Variants in DENND1A observed in about 807,000 individuals in gnomAD.
DENND1A encodes the protein DENN domain-containing protein 1A.
In DENND1A, 51 loss-of-function variants were observed where a neutral mutation model predicts 113.7. The observed-to-expected ratio is 0.45, with a 90% CI of 0.36 to 0.57. The LOEUF (loss-of-function observed/expected upper bound fraction) is 0.57, where lower values mean the gene tolerates loss of function less well. DENND1A is among the 20% of genes least tolerant of loss of function. DENND1A has a pLI of 0.00. For synonymous variants in DENND1A, 565 were observed against 570.8 expected, an observed-to-expected ratio of 0.99 and a Z score of 0.14; for missense variants, 1,258 against 1,395.9, an observed-to-expected ratio of 0.90 and a Z score of 1.57.
At chr9:123,401,764 T>C (rs751896556) in intron 21 of DENND1A, 1 of 1,613,362 alleles carries the variant, frequency 6.2e-7, no homozygotes, top group Non-Finnish European at 8.5e-7. Context: ...TGGCACACAC[T>C]GCGAAGTCAG....
chr9:123,386,849 C>T (rs1056285001), intron 22 of DENND1A, among the ~76,000 whole-genome samples: 3 of 152,170 alleles, frequency 2.0e-5, no homozygotes, highest in African/African-American at 7.2e-5. Flanking sequence ...CACAGGCCAT[C>T]CCAGGGGGAG....
rs186775260 is a variant in DENND1A, at chr9:123,414,673, A to C, written c.1489-2844T>G. On this transcript the variant is annotated intron_variant, in intron 19 of 23. Coordinates refer to ENST00000394215, the MANE Select transcript of DENND1A (RefSeq NM_001352964.2). ...AAAACCTATTAACTCTTTTTTAAAA[A>C]GTCCTATTTCCCAAGTTTATTTGAA... is the stretch of plus-strand genomic sequence containing the variant. 1.3e-4 allele frequency: 190 copies of C among 1,508,198 alleles called. 1 individual carries two copies. In the East Asian group the frequency reaches 3.5e-3, roughly 28 times the overall value. The allele number at this position is 1,508,198 out of a possible 1,614,324, so 93.4% of individuals were successfully genotyped here.
rs577577152 is a variant in DENND1A at position 123,380,298 on chromosome 9, A to AAAAG, written c.*1130_*1133dup. 1 of 152,554 alleles carries AAAAG rather than the reference A, an allele frequency of 6.6e-6. No individual in the cohort carries two copies. The highest frequency in any genetic ancestry group is 1.9e-4 in the East Asian group (1 of 5,206). 9.5% of individuals were successfully genotyped at this position (152,554 alleles called of 1,614,324 possible). A position where few individuals can be genotyped will look rare whatever the true frequency, so the allele number is the denominator to read the frequency against. ...CATCAAATCAATAAGGTAAAAAGGA[A>AAAAG]AAAGAAAGATAATAAACATTCAATC... On this transcript the variant is annotated 3_prime_UTR_variant, in exon 24 of 24. Transcript: ENST00000394215.
At chr9:123,504,786 G>A (rs186200003) in intron 13 of DENND1A, among the ~76,000 whole-genome samples, 1 of 152,286 alleles carries the variant, frequency 6.6e-6, no homozygotes, top group Non-Finnish European at 1.5e-5. Context: ...GGACTACCAA[G>A]GCAGTTCTTC....
chr9:123,553,014 T>C (rs2057196573), intron 13 of DENND1A, among the ~76,000 whole-genome samples: 1 of 152,172 alleles, frequency 6.6e-6, no homozygotes, highest in South Asian at 2.1e-4. Context: ...GCACGAGATT[T>C]GGGAGTCTGG....
At chr9:123,655,555 G>A (rs2062898706) in intron 8 of DENND1A, among the ~76,000 whole-genome samples, 1 of 152,184 alleles carries the variant, frequency 6.6e-6, no homozygotes, top group African/African-American at 2.4e-5. Flanking sequence ...AATGGCGGAG[G>A]GAGGGAGGGG....
chr9:123,783,334 C>T (rs1477833905), intron 3 of DENND1A, among the ~76,000 whole-genome samples: 2 of 152,128 alleles, frequency 1.3e-5, no homozygotes, highest in South Asian at 2.1e-4. Flanking sequence ...TGTTCTGAAA[C>T]AGTGTGGGTT....
intron 5 of DENND1A, among the ~76,000 whole-genome samples, chr9:123,728,079 C>T (rs867080231): frequency 7.9e-5 from 12 of 151,064 alleles, no homozygotes; most frequent in African/African-American, 2.9e-4. Context: ...GCACTCCAGC[C>T]TGGGCAACAG....
chr9:123,861,755 T>C (rs1472526353), intron 2 of DENND1A, among the ~76,000 whole-genome samples: 1 of 152,114 alleles, frequency 6.6e-6, no homozygotes, highest in Non-Finnish European at 1.5e-5. Context: ...AAAATATATA[T>C]ATAAATCAAC....
At chr9:123,444,853 A>G (rs2047182330) in intron 18 of DENND1A, among the ~76,000 whole-genome samples, 1 of 152,212 alleles carries the variant, frequency 6.6e-6, no homozygotes, top group Non-Finnish European at 1.5e-5. Context: ...AAGCAGAAAC[A>G]AGAAGCTAGC....
intron 10 of DENND1A, among the ~76,000 whole-genome samples, chr9:123,624,108 T>C (rs932505359): frequency 2.0e-5 from 3 of 152,228 alleles, no homozygotes; most frequent in Non-Finnish European, 4.4e-5. Flanking sequence ...AGTGAGTAAA[T>C]TGAGAGTTCA....
At chr9:123,543,774 T>C (rs931748126) in intron 13 of DENND1A, among the ~76,000 whole-genome samples, 2 of 152,238 alleles carry the variant, frequency 1.3e-5, no homozygotes, top group South Asian at 2.1e-4. Context: ...TCTGCAGTGA[T>C]TAGCCCTGTG....
intron 12 of DENND1A, among the ~76,000 whole-genome samples, chr9:123,577,321 C>G (rs547971869): frequency 6.0e-4 from 91 of 151,998 alleles, no homozygotes; most frequent in Non-Finnish European, 7.4e-4. Context: ...TAGATGTTCC[C>G]TTTCATTTTT....
At chr9:123,627,345 G>GT (rs1290123307) in intron 10 of DENND1A, among the ~76,000 whole-genome samples, 2 of 152,204 alleles carry the variant, frequency 1.3e-5, no homozygotes, top group East Asian at 3.9e-4. Context: ...ACACCCAATT[G>GT]TTTGAGTTCC....
At chr9:123,466,313 T>A (rs919034049) in intron 13 of DENND1A, among the ~76,000 whole-genome samples, 10 of 152,142 alleles carry the variant, frequency 6.6e-5, no homozygotes, top group South Asian at 2.1e-4. Context: ...TTATTTATTT[T>A]TTTTGAGACA....
intron 5 of DENND1A, among the ~76,000 whole-genome samples, chr9:123,719,482 T>C (rs1233542460): frequency 2.0e-5 from 3 of 152,182 alleles, no homozygotes; most frequent in African/African-American, 7.2e-5. Context: ...AGACATCTAT[T>C]ATCTTGTTTA....
chr9:123,856,550 G>C (rs1844231773), intron 2 of DENND1A, among the ~76,000 whole-genome samples: 1 of 152,170 alleles, frequency 6.6e-6, no homozygotes, highest in African/African-American at 2.4e-5. Flanking sequence ...CACCTGAGCA[G>C]GGTAAGGAAC....
chr9:123,798,905 T>C (rs1410103836), intron 2 of DENND1A, among the ~76,000 whole-genome samples: 1 of 152,266 alleles, frequency 6.6e-6, no homozygotes, highest in African/African-American at 2.4e-5. Flanking sequence ...TGATAGATAA[T>C]TATAGATGAG....
chr9:123,658,228 T>C (rs746432159), intron 8 of DENND1A, among the ~76,000 whole-genome samples: 27 of 152,122 alleles, frequency 1.8e-4, no homozygotes, highest in Admixed American at 3.9e-4. Context: ...AAGACAGGTT[T>C]GTTTAATATT....
Sources: gnomAD v4.1 joint callset for allele counts (sites outside exome capture counted in the v4.1 genomes callset) on GRCh38, gnomAD v4.1.1 for gene constraint, MANE v1.5 for transcripts, NCBI Gene and HGNC (gene_info 2026-07-23, HGNC 2026-07-21) for gene names.